SLC8A1: variants seen among roughly 807,000 people sequenced by gnomAD.
SLC8A1 encodes the protein sodium/calcium exchanger 1.
SLC8A1 carries 18 observed loss-of-function variants against 68.3 expected under a neutral mutation model. The observed-to-expected ratio is 0.26, with a 90% CI of 0.18 to 0.39. SLC8A1 has a LOEUF of 0.39. Ranked by LOEUF, SLC8A1 falls within the 10% of genes least tolerant of loss-of-function variation. The pLI is 1.00. For synonymous variants in SLC8A1, 475 were observed against 415.5 expected (o/e 1.14, Z -1.74); for missense variants, 985 against 1,156.7 (o/e 0.85, Z 2.15).
chr2:40,116,558 C>T (rs1006262082), intron 7 of SLC8A1, among the ~76,000 whole-genome samples: 95 of 151,490 alleles, frequency 6.3e-4, no homozygotes, highest in Non-Finnish European at 5.7e-4. Context: ...TGAGAATATG[C>T]GGTGTTTGGT....
chr2:40,377,635 G>C (rs556501557), intron 2 of SLC8A1, among the ~76,000 whole-genome samples: 1 of 152,100 alleles, frequency 6.6e-6, no homozygotes, highest in East Asian at 1.9e-4. Flanking sequence ...ATTTAAAATA[G>C]ATTTCCACCA....
intron 2 of SLC8A1, among the ~76,000 whole-genome samples, chr2:40,359,476 C>T (rs1458155909): frequency 1.3e-5 from 2 of 151,984 alleles, no homozygotes; most frequent in East Asian, 1.9e-4. Context: ...GGAGGCTTTA[C>T]GAAGAGAGAC....
At chr2:40,389,935 C>A (rs1490182356) in intron 2 of SLC8A1, among the ~76,000 whole-genome samples, 1 of 151,790 alleles carries the variant, frequency 6.6e-6, no homozygotes, top group Non-Finnish European at 1.5e-5. Flanking sequence ...TATAGACACA[C>A]ACACACACAC....
intron 2 of SLC8A1, among the ~76,000 whole-genome samples, chr2:40,252,927 A>AAAATATATATGTG (rs2063070586): frequency 8.4e-6 from 1 of 119,568 alleles, no homozygotes; most frequent in Admixed American, 9.0e-5. Flanking sequence ...ATATACATAC[A>AAAATATATATGTG]TGTATATGTA....
chr2:40,139,118 T>A (rs1033386172), intron 7 of SLC8A1, among the ~76,000 whole-genome samples: 1 of 152,176 alleles, frequency 6.6e-6, no homozygotes, highest in African/African-American at 2.4e-5. Flanking sequence ...GGGAAGCTGA[T>A]CTGAAAATCT....
chr2:40,128,674 C>T (rs1005401684), intron 7 of SLC8A1, among the ~76,000 whole-genome samples: 1 of 152,154 alleles, frequency 6.6e-6, no homozygotes, highest in Non-Finnish European at 1.5e-5. Flanking sequence ...CAGCAATTTG[C>T]AGTGTATGAA....
intron 2 of SLC8A1, among the ~76,000 whole-genome samples, chr2:40,187,394 C>T (rs576425843): frequency 7.2e-5 from 11 of 152,222 alleles, no homozygotes; most frequent in Admixed American, 5.2e-4. Context: ...CCTTGTTGTC[C>T]GTGCCCTGAT....
rs1249410046 is a variant in SLC8A1 at position 40,200,255 on chromosome 2, T to A, written c.1809-22400A>T. Among the ~76,000 whole-genome samples, 4 of 83,690 alleles carry A rather than the reference T, an allele frequency of 4.8e-5. 1 individual carries two copies. Among genetic ancestry groups the A allele is most frequent in the South Asian group, 4.2e-4 (1 of 2,400 alleles). The allele number at this position is 83,690 out of a possible 152,430, so 54.9% of individuals were successfully genotyped here. On this transcript the variant is annotated intron_variant, in intron 2 of 7. Coordinates refer to ENST00000406785, the Ensembl canonical transcript of SLC8A1. ...ATATATATAAATATATATATATATATATATATATATATAACCTCTTTTAGT... is the reference window on the plus strand; with the variant it reads ...ATATATATAAATATATATATATATAAATATATATATATAACCTCTTTTAGT...
chr2:40,335,533 CTTCTT>C (rs1424178297), intron 2 of SLC8A1, among the ~76,000 whole-genome samples: 1 of 152,200 alleles, frequency 6.6e-6, no homozygotes, highest in Non-Finnish European at 1.5e-5. Flanking sequence ...AATAAACTAA[CTTCTT>C]TTAAGAAATA....
chr2:40,256,584 T>G (rs1012591620), intron 2 of SLC8A1, among the ~76,000 whole-genome samples: 47 of 152,224 alleles, frequency 3.1e-4, no homozygotes, highest in African/African-American at 1.1e-3. Flanking sequence ...CGTTCCCTTT[T>G]GGACACATTA....
At chr2:40,380,575 G>A (rs111722264) in intron 2 of SLC8A1, among the ~76,000 whole-genome samples, 53 of 151,828 alleles carry the variant, frequency 3.5e-4, no homozygotes, top group South Asian at 3.1e-3. Context: ...CTAATTATTC[G>A]GCACAAGTGG....
exon 8 of SLC8A1, chr2:40,110,866 T>C (rs565036007): frequency 4.6e-5 from 7 of 152,156 alleles, no homozygotes; most frequent in South Asian, 2.1e-4. Flanking sequence ...GAGGGCATCA[T>C]CATCTACCAG....
intron 2 of SLC8A1, among the ~76,000 whole-genome samples, chr2:40,207,913 C>T (rs442476): frequency 0.14 from 21,213 of 151,996 alleles, 1,853 homozygotes; most frequent in African/African-American, 0.23. Context: ...GCTAGGGCTG[C>T]ACATATTCAA....
chr2:40,309,218 G>C (rs1310911976), intron 2 of SLC8A1, among the ~76,000 whole-genome samples: 1 of 152,124 alleles, frequency 6.6e-6, no homozygotes, highest in Non-Finnish European at 1.5e-5. Context: ...TCTTATTCAA[G>C]AGGTATTTCT....
intron 2 of SLC8A1, among the ~76,000 whole-genome samples, chr2:40,360,007 AAAAG>A (rs1466231363): frequency 6.6e-6 from 1 of 151,970 alleles, no homozygotes; most frequent in African/African-American, 2.4e-5. Context: ...CTTGAAATGG[AAAAG>A]AAAGAGAATG....
intron 1 of SLC8A1, among the ~76,000 whole-genome samples, chr2:40,479,037 G>T (rs1704470611): frequency 6.6e-6 from 1 of 152,156 alleles, no homozygotes; most frequent in South Asian, 2.1e-4. Flanking sequence ...CTCCCAAAGT[G>T]CTGGGATTAC....
chr2:40,183,438 G>A (rs1310908036), intron 2 of SLC8A1, among the ~76,000 whole-genome samples: 1 of 152,194 alleles, frequency 6.6e-6, no homozygotes, highest in Non-Finnish European at 1.5e-5. Flanking sequence ...GCTTTAAAAA[G>A]TTAAATCATT....
chr2:40,235,814 G>A (rs1365993509), intron 2 of SLC8A1, among the ~76,000 whole-genome samples: 1 of 148,568 alleles, frequency 6.7e-6, no homozygotes, highest in Non-Finnish European at 1.5e-5. Flanking sequence ...TGTTCTCGTT[G>A]GTTTCAAAGA....
exon 2 of SLC8A1, chr2:40,428,759 C>A (rs1332943654): frequency 1.2e-6 from 2 of 1,613,644 alleles, no homozygotes; most frequent in African/African-American, 1.3e-5. Context: ...TCCAGTATGC[C>A]ATCTTCTGAA....
Sources: gnomAD v4.1 joint callset for allele counts (sites outside exome capture counted in the v4.1 genomes callset) on GRCh38, gnomAD v4.1.1 for gene constraint, MANE v1.5 for transcripts, NCBI Gene and HGNC (gene_info 2026-07-23, HGNC 2026-07-21) for gene names.